RGS7: variants seen among roughly 807,000 people sequenced by gnomAD.
RGS7 encodes regulator of G-protein signaling 7.
A neutral mutation model predicts 81.1 loss-of-function variants in RGS7; 27 were observed. The observed-to-expected ratio is 0.33, with a 90% CI of 0.25 to 0.46. The LOEUF (loss-of-function observed/expected upper bound fraction) is 0.46. Among genes scored for constraint, RGS7 ranks in the 20% least tolerant of loss-of-function variants. The probability of loss-of-function intolerance (pLI) is 1.00; values close to 1 mark genes in which losing one functional copy is unlikely to be tolerated. For synonymous variants in RGS7, 208 were observed against 207.7 expected (o/e 1.00, Z -0.01); for missense variants, 396 against 607.4 (o/e 0.65, Z 3.66).
chr1:241,278,978 CCCA>C (rs1424671669), intron 2 of RGS7, among the ~76,000 whole-genome samples: 2 of 152,172 alleles, frequency 1.3e-5, no homozygotes, highest in African/African-American at 4.8e-5. Context: ...GGAACACATA[CCCA>C]CAACTATTCA....
intron 6 of RGS7, among the ~76,000 whole-genome samples, chr1:240,925,588 A>G (rs550266772): frequency 9.8e-5 from 15 of 152,336 alleles, no homozygotes; most frequent in African/African-American, 3.6e-4. Flanking sequence ...TGATGAACAC[A>G]TAAGTGCACA....
intron 2 of RGS7, among the ~76,000 whole-genome samples, chr1:241,204,113 A>G (rs1361069690): frequency 2.0e-5 from 3 of 152,240 alleles, no homozygotes; most frequent in Non-Finnish European, 4.4e-5. Flanking sequence ...AACTTTAGAA[A>G]GAATGAGCCT....
chr1:241,345,166 T>C (rs12406443), intron 2 of RGS7, among the ~76,000 whole-genome samples: 13,261 of 152,196 alleles, frequency 0.087, 802 homozygotes, highest in South Asian at 0.24. Flanking sequence ...TTCTTACTTA[T>C]AAGTAGGAGC....
At chr1:241,305,794 T>G in intron 2 of RGS7, 1 of 271,564 alleles carries the variant, frequency 3.7e-6, no homozygotes, top group South Asian at 3.6e-5. Context: ...TGGTGTTTGC[T>G]GAGGCGCCCG....
intron 18 of RGS7, among the ~76,000 whole-genome samples, chr1:240,788,321 T>G (rs528469368): frequency 3.4e-4 from 52 of 152,332 alleles, no homozygotes; most frequent in Admixed American, 2.3e-3. Context: ...AATGGACTCT[T>G]ATACTATACA....
intron 6 of RGS7, among the ~76,000 whole-genome samples, chr1:240,917,661 T>C (rs1000726510): frequency 6.6e-6 from 1 of 152,156 alleles, no homozygotes; most frequent in Non-Finnish European, 1.5e-5. Context: ...ATATAAAATG[T>C]TCATTTAAAA....
chr1:240,848,796 C>T (rs1036219800), intron 9 of RGS7, among the ~76,000 whole-genome samples: 12 of 152,194 alleles, frequency 7.9e-5, no homozygotes, highest in African/African-American at 2.9e-4. Flanking sequence ...AAATGTATAA[C>T]ATTTGAATGC....
chr1:241,096,738 C>A (rs896079116), intron 3 of RGS7, among the ~76,000 whole-genome samples: 3 of 152,150 alleles, frequency 2.0e-5, no homozygotes, highest in Non-Finnish European at 4.4e-5. Context: ...AGAACTCAAT[C>A]AAAAATTTTA....
In RGS7 at chr1:240,935,668, G is replaced by C. The variant is rs1676498837; in HGVS notation, c.333+932C>G. Among the ~76,000 whole-genome samples, 5 of 152,190 alleles carry C rather than the reference G, an allele frequency of 3.3e-5. No individual in the cohort carries two copies. The South Asian group carries it at 1.0e-3, about 31-fold the overall frequency. On this transcript the variant is annotated intron_variant, in intron 5 of 18. Coordinates refer to ENST00000440928, the MANE Select transcript of RGS7 (RefSeq NM_001364886.1). ...ATTTTTTAAAGCAAATGATTAAAGT[G>C]ATTTTTAAAGCATATTTCCTCTTTG...
intron 6 of RGS7, among the ~76,000 whole-genome samples, chr1:240,899,994 T>C (rs1669716305): frequency 6.6e-6 from 1 of 152,216 alleles, no homozygotes; most frequent in Non-Finnish European, 1.5e-5. Flanking sequence ...CTTTATACTC[T>C]TTTTTCTCTA....
intron 2 of RGS7, among the ~76,000 whole-genome samples, chr1:241,159,034 T>C (rs1410333480): frequency 6.6e-6 from 1 of 152,228 alleles, no homozygotes; most frequent in Non-Finnish European, 1.5e-5. Context: ...TTTCAAGATA[T>C]ATGAGCTTTT....
intron 2 of RGS7, among the ~76,000 whole-genome samples, chr1:241,100,144 G>A (rs1418179198): frequency 6.6e-6 from 1 of 152,050 alleles, no homozygotes; most frequent in African/African-American, 2.4e-5. Flanking sequence ...GGGAGGCCGA[G>A]GCGGGCGGAT....
At chr1:240,845,125 C>T (rs949891335) in intron 9 of RGS7, among the ~76,000 whole-genome samples, 2 of 152,164 alleles carry the variant, frequency 1.3e-5, no homozygotes, top group Admixed American at 6.5e-5. Context: ...TAAAAAGCAA[C>T]CTCCCTGAAA....
chr1:240,917,508 T>C (rs1403421724), intron 6 of RGS7, among the ~76,000 whole-genome samples: 1 of 152,196 alleles, frequency 6.6e-6, no homozygotes, highest in Non-Finnish European at 1.5e-5. Context: ...TGTTATGGGA[T>C]AGTTGCATTA....
intron 2 of RGS7, among the ~76,000 whole-genome samples, chr1:241,257,357 C>G (rs2077102361): frequency 6.6e-6 from 1 of 151,998 alleles, no homozygotes; most frequent in South Asian, 2.1e-4. Context: ...CCTAAAGGCC[C>G]TACTTCTTAA....
chr1:241,226,875 A>G (rs1323117089), intron 2 of RGS7, among the ~76,000 whole-genome samples: 1 of 152,256 alleles, frequency 6.6e-6, no homozygotes, highest in African/African-American at 2.4e-5. Context: ...CTGAAGTTTC[A>G]GAAACTACAT....
chr1:241,251,914 A>T (rs1166139090), intron 2 of RGS7, among the ~76,000 whole-genome samples: 5 of 152,146 alleles, frequency 3.3e-5, no homozygotes, highest in Admixed American at 3.3e-4. Context: ...TGTAAAGAGT[A>T]AAACAGCCCT....
intron 2 of RGS7, among the ~76,000 whole-genome samples, chr1:241,188,898 C>T (rs2072362974): frequency 6.6e-6 from 1 of 152,182 alleles, no homozygotes; most frequent in African/African-American, 2.4e-5. Context: ...CGAAATTCAG[C>T]AGAACTTCAA....
At chr1:241,165,073 G>A (rs991913104) in intron 2 of RGS7, among the ~76,000 whole-genome samples, 2 of 152,188 alleles carry the variant, frequency 1.3e-5, no homozygotes, top group African/African-American at 4.8e-5. Flanking sequence ...TTGGCAAGGA[G>A]CTAGAAGACT....
Sources: allele counts gnomAD v4.1 joint callset (sites outside exome capture counted in the v4.1 genomes callset), GRCh38; gene constraint gnomAD v4.1.1; transcripts MANE v1.5; gene names NCBI Gene and HGNC (gene_info 2026-07-23, HGNC 2026-07-21).